Variants in ERICH5 observed in about 807,000 individuals in gnomAD.
The protein encoded by ERICH5 is glutamate-rich protein 5.
ERICH5 carries 24 observed loss-of-function variants against 28.0 expected under a neutral mutation model. The observed-to-expected ratio is 0.86, with a 90% CI of 0.62 to 1.21. The LOEUF (loss-of-function observed/expected upper bound fraction) is 1.21, where lower values mean the gene tolerates loss of function less well. Among genes scored for constraint, ERICH5 ranks in the 50% most tolerant of loss-of-function variants. The probability of loss-of-function intolerance (pLI) is 0.00; values close to 1 mark genes in which losing one functional copy is unlikely to be tolerated. For synonymous variants in ERICH5, 163 were observed against 157.6 expected (o/e 1.03, Z -0.25); for missense variants, 421 against 441.2 (o/e 0.95, Z 0.41).
chr8:98,087,523 A>G (rs1435421778), intron 1 of ERICH5, among the ~76,000 whole-genome samples: 2 of 152,100 alleles, frequency 1.3e-5, no homozygotes, highest in Admixed American at 6.5e-5. Flanking sequence ...AAGATGAAGA[A>G]AAAGATCCCC....
At chr8:98,079,100 T>C (rs1815117376) in intron 1 of ERICH5, among the ~76,000 whole-genome samples, 1 of 151,934 alleles carries the variant, frequency 6.6e-6, no homozygotes, top group African/African-American at 2.4e-5. Context: ...GAGTAGCTAT[T>C]TGAATTTCCC....
Position 98,089,606 on chromosome 8 carries a change from C to T in ERICH5, c.589C>T (p.Leu197=). The T allele has an allele frequency of 6.2e-7, 1 of 1,614,184 alleles. No homozygotes were observed. Among genetic ancestry groups the T allele is most frequent in the Non-Finnish European group, 8.5e-7 (1 of 1,180,050 alleles). The part of the protein sequence containing the change: ...PLGTTENVLT[L]QIAGELQPQG... ...AGGAACAACTGAGAACGTTCTGACTCTGCAAATAGCTGGAGAGCTACAACC... is the reference window on the plus strand; with the variant it reads ...AGGAACAACTGAGAACGTTCTGACTTTGCAAATAGCTGGAGAGCTACAACC... Residue 197 remains leucine (L), a synonymous_variant, in exon 2 of 3, where the codon CTG becomes TTG. Coordinates refer to ENST00000318528, the MANE Select transcript of ERICH5 (RefSeq NM_173549.3).
chr8:98,072,658 T>G (rs965026027), intron 1 of ERICH5, among the ~76,000 whole-genome samples: 10 of 152,140 alleles, frequency 6.6e-5, no homozygotes, highest in Middle Eastern at 3.4e-3. Context: ...AAATTAAAAT[T>G]AAAATTAAAA....
At chr8:98,067,087 G>A (rs73701233) in intron 1 of ERICH5, among the ~76,000 whole-genome samples, 3,714 of 152,190 alleles carry the variant, frequency 0.024, 150 homozygotes, top group African/African-American at 0.085. Flanking sequence ...ACAGATAAGA[G>A]TAAATAATTT....
intron 1 of ERICH5, among the ~76,000 whole-genome samples, chr8:98,087,603 C>A (rs920409001): frequency 4.6e-5 from 7 of 151,588 alleles, no homozygotes; most frequent in Admixed American, 6.6e-5. Context: ...GATTTGTTTT[C>A]CCCCTTTTGC....
At chr8:98,087,393 A>C (rs1257855250) in intron 1 of ERICH5, among the ~76,000 whole-genome samples, 3 of 152,152 alleles carry the variant, frequency 2.0e-5, no homozygotes, top group Admixed American at 2.0e-4. Context: ...ATAAGCAGAT[A>C]ACTCTTTAAA....
At chr8:98,088,933 A>T (rs1223878553) in intron 1 of ERICH5, 143 bp from the exon 2 acceptor site, 2 of 630,506 alleles carry the variant, frequency 3.2e-6, no homozygotes, top group Non-Finnish European at 2.7e-6. Context: ...GGGTCATGGT[A>T]TGGCCTTTCT....
chr8:98,067,154 G>A (rs1362271385), intron 1 of ERICH5, among the ~76,000 whole-genome samples: 1 of 152,196 alleles, frequency 6.6e-6, no homozygotes, highest in Admixed American at 6.5e-5. Context: ...CATATGCTTT[G>A]TTGGGCACAG....
chr8:98,076,099 G>T (rs1815048584), intron 1 of ERICH5, among the ~76,000 whole-genome samples: 2 of 151,856 alleles, frequency 1.3e-5, no homozygotes, highest in African/African-American at 4.8e-5. Context: ...TGTCACCCAG[G>T]CTGGAGTGCA....
chr8:98,093,249 C>T lies in ERICH5; in HGVS notation c.1041C>T (p.Asp347=), dbSNP rs199649349. The change falls in exon 3 of 3, where the codon GAC becomes GAT. Residue 347 remains aspartate, a synonymous_variant. Transcript: ENST00000318528. ...EGETGEKVET[D]MENEKVSEGA... is the part of the protein sequence containing the mutation. ...AGACAGGGGAAAAGGTGGAAACAGA[C>T]ATGGAGAATGAGAAAGTGAGTGAAG... is the stretch of plus-strand genomic sequence containing the variant. 7.0e-5 allele frequency: 113 copies of T among 1,613,720 alleles called. 1 individual carries two copies. The highest frequency in any genetic ancestry group is 3.3e-4 in the Middle Eastern group (2 of 6,062).
chr8:98,070,454 C>T (rs1335651540), intron 1 of ERICH5, among the ~76,000 whole-genome samples: 1 of 151,244 alleles, frequency 6.6e-6, no homozygotes, highest in East Asian at 1.9e-4. Flanking sequence ...GTTGGGAGTT[C>T]GAGACCAGCC....
In ERICH5 at chr8:98,089,597, G is replaced by A. The variant is rs753156887; in HGVS notation, c.580G>A (p.Val194Ile). The A allele has an allele frequency of 1.9e-5, 31 of 1,614,184 alleles. No individual in the cohort carries two copies. Among genetic ancestry groups the A allele is most frequent in the Middle Eastern group, 1.6e-4 (1 of 6,062 alleles). Reference protein sequence around the residue: ...EMKPLGTTENVLTLQIAGELQ... With the variant: ...EMKPLGTTENILTLQIAGELQ... ...GAAGCCTCTAGGAACAACTGAGAAC[G>A]TTCTGACTCTGCAAATAGCTGGAGA... Residue 194 changes from valine (V) to isoleucine (I), a missense_variant, in exon 2 of 3, where the codon GTT becomes ATT. Transcript: ENST00000318528.
intron 1 of ERICH5, among the ~76,000 whole-genome samples, chr8:98,074,204 C>T (rs1230393289): frequency 6.6e-6 from 1 of 151,684 alleles, no homozygotes; most frequent in African/African-American, 2.4e-5. Flanking sequence ...GCCTTCCTCA[C>T]TTTTTAAAAA....
At chr8:98,074,086 G>A (rs538433100) in intron 1 of ERICH5, among the ~76,000 whole-genome samples, 2 of 151,266 alleles carry the variant, frequency 1.3e-5, no homozygotes, top group East Asian at 3.9e-4. Context: ...TTGGAGAGTT[G>A]ACATTTTGCC....
Position 98,070,283 on chromosome 8 carries a change from G to C in ERICH5, c.58+5556G>C, listed in dbSNP as rs533397434. On this transcript the variant is annotated intron_variant, in intron 1 of 2. Coordinates refer to ENST00000318528, the MANE Select transcript of ERICH5 (RefSeq NM_173549.3). Reference sequence around the variant, plus strand: ...CGAGCCTGTAATCCCAGCTACTTGGGAGGCCGTAGTGGGAGAATCAGGAGG... The same window carrying C: ...CGAGCCTGTAATCCCAGCTACTTGGCAGGCCGTAGTGGGAGAATCAGGAGG... Among the ~76,000 whole-genome samples, 21 of 152,248 alleles carry C rather than the reference G, an allele frequency of 1.4e-4. 2 individuals are homozygous for C. Among genetic ancestry groups the C allele is most frequent in the African/African-American group, 4.8e-4 (20 of 41,534 alleles).
chr8:98,084,473 C>T (rs1467812944), intron 1 of ERICH5, among the ~76,000 whole-genome samples: 1 of 151,912 alleles, frequency 6.6e-6, no homozygotes, highest in Non-Finnish European at 1.5e-5. Flanking sequence ...ACCTCTGCCG[C>T]CCGGGTTCAA....
rs750195428 is a variant in ERICH5, at chr8:98,089,192, C to T, written c.175C>T (p.Arg59Cys). The T allele has an allele frequency of 6.2e-6, 10 of 1,614,022 alleles. No individual in the cohort carries two copies. Among genetic ancestry groups the T allele is most frequent in the African/African-American group, 4.0e-5 (3 of 74,918 alleles). ...TGATGGCAATGTACAAAGGGAAAGCCGTCCTCCCTTACAAAAGCTCAAGGT... is the reference window on the plus strand; with the variant it reads ...TGATGGCAATGTACAAAGGGAAAGCTGTCCTCCCTTACAAAAGCTCAAGGT... ...TVDGNVQRES[R>C]PPLQKLKVSA... is the part of the protein sequence containing the mutation. The change falls in exon 2 of 3, where the codon CGT (arginine) becomes TGT (cysteine). Residue 59 changes from arginine (R) to cysteine (C), a missense_variant. Physicochemically the swap from Arg to Cys is radical, Grantham distance 180. Transcript: ENST00000318528.
intron 1 of ERICH5, among the ~76,000 whole-genome samples, chr8:98,073,463 TA>T (rs1814971060): frequency 5.9e-4 from 1 of 1,684 alleles, no homozygotes; most frequent in Admixed American, 0.016. Context: ...TATATATGTA[TA>T]TATATATATA....
At chr8:98,088,981 A>G (rs1275564665) in intron 1 of ERICH5, 95 bp from the exon 2 acceptor site, 2 of 931,092 alleles carry the variant, frequency 2.1e-6, no homozygotes, top group Admixed American at 5.3e-5. Flanking sequence ...GAACTGTTAA[A>G]TCTACTTTGT....
Sources: allele counts gnomAD v4.1 joint callset (sites outside exome capture counted in the v4.1 genomes callset), GRCh38; gene constraint gnomAD v4.1.1; transcripts MANE v1.5; gene names NCBI Gene and HGNC (gene_info 2026-07-23, HGNC 2026-07-21).